The following PDE4C variants were observed in gnomAD, a reference collection of about 807,000 sequenced individuals.
PDE4C encodes 3',5'-cyclic-AMP phosphodiesterase 4C.
In PDE4C, 50 loss-of-function variants were observed where a neutral mutation model predicts 63.9. That is an observed-to-expected ratio of 0.78 (90% CI 0.62 to 0.99). The LOEUF (loss-of-function observed/expected upper bound fraction) is 0.99, where lower values mean the gene tolerates loss of function less well. Ranked by LOEUF, PDE4C falls within the 50% of genes least tolerant of loss-of-function variation. PDE4C has a pLI of 0.00. For synonymous variants in PDE4C, 377 were observed against 385.1 expected (o/e 0.98, Z 0.25); for missense variants, 777 against 899.1 (o/e 0.86, Z 1.74).
exon 4 of PDE4C, chr19:18,221,126 T>G (rs1231607717): frequency 1.3e-6 from 2 of 1,558,442 alleles, no homozygotes; most frequent in East Asian, 2.3e-5. Context: ...TAGGCATTGC[T>G]GGCGGGCAAG....
At chr19:18,221,264 G>A (rs780177529) in exon 3 of PDE4C, 35 of 1,545,584 alleles carry the variant, frequency 2.3e-5, no homozygotes, top group Non-Finnish European at 2.6e-5. Flanking sequence ...CACCCACCTG[G>A]GCAAAGGGCG....
chr19:18,221,239 A>G, intron 3 of PDE4C, 22 bp downstream of exon 3: 1 of 885,968 alleles, frequency 1.1e-6, no homozygotes, highest in Non-Finnish European at 1.7e-6. Flanking sequence ...GGGTCAGGGC[A>G]GGGAGGGCGG....
At position 18,220,594 on chromosome 19, in the gene PDE4C, T is replaced by C. The variant is rs1327915999; in HGVS notation, c.500-79A>G. On this transcript the variant is annotated intron_variant, in intron 5 of 14. Transcript: ENST00000262805. The surrounding 1 kb of genome is among the most constrained non-coding windows in gnomAD (Gnocchi z 5.1). ...CGCCTCTCGCGACTTCGTCTCTTCATCTGGACCCTGAAACTGTTCCCACGG... is the reference window on the plus strand; with the variant it reads ...CGCCTCTCGCGACTTCGTCTCTTCACCTGGACCCTGAAACTGTTCCCACGG... 1 of 1,275,048 alleles carries C rather than the reference T, an allele frequency of 7.8e-7. No individual in the cohort carries two copies. 79.0% of individuals were successfully genotyped at this position (1,275,048 alleles called of 1,614,324 possible). A position where few individuals can be genotyped will look rare whatever the true frequency, so the allele number is the denominator to read the frequency against.
chr19:18,225,071 T>C (rs927380297), intron 1 of PDE4C, among the ~76,000 whole-genome samples: 1 of 152,160 alleles, frequency 6.6e-6, no homozygotes, highest in Non-Finnish European at 1.5e-5. Context: ...CCGGGTTTTC[T>C]TGGGGCGGGG....
At chr19:18,246,554 C>T (rs888664) in intron 1 of PDE4C, among the ~76,000 whole-genome samples, 71,222 of 151,782 alleles carry the variant, frequency 0.47, 18,067 homozygotes, top group East Asian at 0.79. Flanking sequence ...TATGCAGCTA[C>T]GCCTGCCCTA....
At chr19:18,242,644 G>C (rs1969062323) in intron 1 of PDE4C, among the ~76,000 whole-genome samples, 1 of 151,554 alleles carries the variant, frequency 6.6e-6, no homozygotes, top group African/African-American at 2.4e-5. Context: ...AAATAGCCAG[G>C]CATGGTGGCA....
chr19:18,217,910 A>G (rs1395511910), intron 11 of PDE4C, among the ~76,000 whole-genome samples: 1 of 152,100 alleles, frequency 6.6e-6, no homozygotes, highest in Non-Finnish European at 1.5e-5. Flanking sequence ...AAATAAATAA[A>G]TAAAGGTCTT....
chr19:18,222,676 TCTCTCTCTCTCG>T (rs1568671518), intron 1 of PDE4C, among the ~76,000 whole-genome samples: 4 of 93,254 alleles, frequency 4.3e-5, no homozygotes, highest in Admixed American at 1.1e-4. Context: ...TCTCTCTCTC[TCTCTCTCTCTCG>T]CCCTTTCTTT....
intron 1 of PDE4C, among the ~76,000 whole-genome samples, chr19:18,232,759 C>T (rs1281881978): frequency 1.3e-5 from 2 of 152,154 alleles, no homozygotes; most frequent in Non-Finnish European, 2.9e-5. Flanking sequence ...CACACAGACC[C>T]ACAAGCCATG....
chr19:18,216,934 G>A (rs1374754817), intron 11 of PDE4C, 39 bp from the exon 12 acceptor site: 12 of 1,556,688 alleles, frequency 7.7e-6, no homozygotes, highest in South Asian at 1.2e-5. Flanking sequence ...AGATCCACCC[G>A]CCCCACCCAC....
intron 12 of PDE4C, among the ~76,000 whole-genome samples, chr19:18,216,002 GTATTTTT>G (rs1035728182): frequency 6.6e-6 from 1 of 150,966 alleles, no homozygotes; most frequent in Non-Finnish European, 1.5e-5. Context: ...GCTAATTTTT[GTATTTTT>G]AGTAAAAACA....
In PDE4C at chr19:18,224,348, C is replaced by T. The variant is rs59111204; in HGVS notation, c.146+1922G>A. 1.7e-5 allele frequency: 17 copies of T among 985,462 alleles called. No individual in the cohort carries two copies. The African/African-American group carries it at 3.0e-4, about 17-fold the overall frequency. The allele number at this position is 985,462 out of a possible 1,614,324, so 61.0% of individuals were successfully genotyped here. On this transcript the variant is annotated intron_variant, in intron 1 of 14. Transcript: ENST00000262805. ...GGGCCAGTGTCCGGCTGGTCCCGGC[C>T]AAGACTTTTGGGTCAAAGGTCACCG...
intron 1 of PDE4C, among the ~76,000 whole-genome samples, chr19:18,231,698 G>T (rs879112083): frequency 1.3e-5 from 2 of 152,124 alleles, no homozygotes; most frequent in Non-Finnish European, 2.9e-5. Flanking sequence ...CTGGGATGCT[G>T]GTCCAGCTGA....
rs1415593427 is a variant in PDE4C at position 18,218,325 on chromosome 19, G to A, written c.1134+9C>T. ...ACCCGCCCACCTGCCTGCAGTCATG[G>A]CGCAGTACCTCGAGGGCGGGCGTAG... On this transcript the variant is annotated intron_variant, in intron 10 of 14. Coordinates refer to ENST00000262805, the Ensembl canonical transcript of PDE4C. 6.2e-7 allele frequency: 1 copy of A among 1,614,170 alleles called. No homozygotes were observed. Among genetic ancestry groups the A allele is most frequent in the Non-Finnish European group, 8.5e-7 (1 of 1,180,002 alleles).
intron 14 of PDE4C, 102 bp downstream of exon 14, chr19:18,211,657 C>A: frequency 7.3e-7 from 1 of 1,373,352 alleles, no homozygotes; most frequent in South Asian, 1.3e-5. Context: ...GGCACACTCC[C>A]TGGCTAGCCA....
Position 18,220,097 on chromosome 19 carries a change from G to A in PDE4C, c.706+129C>T. 2.6e-6 allele frequency: 2 copies of A among 755,302 alleles called. No individual in the cohort carries two copies. Among genetic ancestry groups the A allele is most frequent in the East Asian group, 2.5e-5 (1 of 40,386 alleles). The allele number at this position is 755,302 out of a possible 1,614,324, so 46.8% of individuals were successfully genotyped here. ...TTGTTCCTCCCTCTGATCCAGCCCT[G>A]ACTCATGGGGGCTGAAGGTGTCTGT... On this transcript the variant is annotated intron_variant, in intron 7 of 14. Transcript: ENST00000262805. This position sits in a 1 kb window ranked among gnomAD's most constrained non-coding sequence, Gnocchi z 5.1.
the PDE4C span, among the ~76,000 whole-genome samples, chr19:18,253,557 A>AC: frequency 8.2e-5 from 4 of 48,770 alleles, no homozygotes; most frequent in African/African-American, 3.1e-4. Flanking sequence ...TCTCAAAAAA[A>AC]AAAAAAACAC....
At chr19:18,233,225 C>T in exon 1 of PDE4C, 1 of 1,548,288 alleles carries the variant, frequency 6.5e-7, no homozygotes, top group Non-Finnish European at 8.7e-7. Flanking sequence ...TAGCAGGGAG[C>T]AGGACTCGTC....
Position 18,233,106 on chromosome 19 carries a change from G to C in PDE4C, c.86C>G (p.Pro29Arg), listed in dbSNP as rs571659585. 1.5e-4 allele frequency: 233 copies of C among 1,568,072 alleles called. 3 individuals are homozygous for C. In the South Asian group the frequency reaches 2.6e-3, roughly 18 times the overall value. ...CCGGGGTTGCCGCCACAGGTGCTTCGGGGCTCTGGTCATGCTGTGGCGGCC... is the reference window on the plus strand; with the variant it reads ...CCGGGGTTGCCGCCACAGGTGCTTCCGGGCTCTGGTCATGCTGTGGCGGCC... The change falls in exon 1 of 15, where the codon CCG becomes CGG. Residue 29 changes from proline to arginine, a missense_variant. Coordinates refer to the PDE4C transcript ENST00000594465.
Sources: allele counts gnomAD v4.1 joint callset (sites outside exome capture counted in the v4.1 genomes callset), GRCh38; gene constraint gnomAD v4.1.1; non-coding constraint Gnocchi (gnomAD v3.1); transcripts MANE v1.5; gene names NCBI Gene and HGNC (gene_info 2026-07-23, HGNC 2026-07-21).